MLLT3: variants seen among roughly 807,000 people sequenced by gnomAD.
MLLT3 encodes protein AF-9.
A neutral mutation model predicts 53.2 loss-of-function variants in MLLT3; 4 were observed. The ratio of observed to expected loss-of-function variants is 0.08; its 90% CI spans 0.04 to 0.17. The LOEUF is 0.17. Among genes scored for constraint, MLLT3 ranks in the 10% least tolerant of loss-of-function variants. The pLI is 1.00. For missense variants in MLLT3, 569 were observed against 684.0 expected (o/e 0.83, Z 1.87); for synonymous variants, 283 against 230.6 (o/e 1.23, Z -2.06).
At chr9:20,393,748 T>C (rs915734404) in intron 5 of MLLT3, among the ~76,000 whole-genome samples, 11 of 152,168 alleles carry the variant, frequency 7.2e-5, no homozygotes, top group South Asian at 2.1e-4. Context: ...TTCAATTATG[T>C]AGTAATTAGT....
intron 2 of MLLT3, among the ~76,000 whole-genome samples, chr9:20,594,906 C>G (rs1392809736): frequency 4.6e-5 from 7 of 152,188 alleles, no homozygotes; most frequent in Non-Finnish European, 1.0e-4. Context: ...TCCCATAAAA[C>G]TCATGAATAA....
At chr9:20,575,866 A>G (rs1048128933) in intron 2 of MLLT3, among the ~76,000 whole-genome samples, 1 of 152,220 alleles carries the variant, frequency 6.6e-6, no homozygotes, top group Non-Finnish European at 1.5e-5. Context: ...ACTAAAAGTC[A>G]GCAGCTGCAT....
intron 2 of MLLT3, among the ~76,000 whole-genome samples, chr9:20,460,633 T>C (rs1294629954): frequency 2.6e-5 from 4 of 152,146 alleles, no homozygotes; most frequent in African/African-American, 4.8e-5. Context: ...ACAATAATTA[T>C]TCATCTTTGC....
At chr9:20,493,307 C>A (rs914710031) in intron 2 of MLLT3, among the ~76,000 whole-genome samples, 5 of 151,958 alleles carry the variant, frequency 3.3e-5, no homozygotes, top group Non-Finnish European at 7.4e-5. Flanking sequence ...AAGTTTCCAG[C>A]CTTTTCAACA....
chr9:20,439,562 G>A (rs564128248), intron 4 of MLLT3, among the ~76,000 whole-genome samples: 19 of 152,090 alleles, frequency 1.2e-4, no homozygotes, highest in Non-Finnish European at 7.4e-5. Context: ...AAGCCAGTAA[G>A]TTTAATTTTG....
chr9:20,520,932 A>T (rs1279844205), intron 2 of MLLT3, among the ~76,000 whole-genome samples: 12 of 152,216 alleles, frequency 7.9e-5, no homozygotes, highest in Non-Finnish European at 1.8e-4. Flanking sequence ...GGACATGTAG[A>T]ATAGTGGAAA....
At chr9:20,535,448 A>G (rs1391612880) in intron 2 of MLLT3, among the ~76,000 whole-genome samples, 4 of 152,196 alleles carry the variant, frequency 2.6e-5, no homozygotes, top group Non-Finnish European at 5.9e-5. Flanking sequence ...GGTCTACCCC[A>G]GAAAGCCCTG....
intron 2 of MLLT3, among the ~76,000 whole-genome samples, chr9:20,511,996 A>G (rs1817762993): frequency 6.6e-6 from 1 of 152,196 alleles, no homozygotes. Flanking sequence ...GAGAGGCATA[A>G]AGCCTAGTTG....
In MLLT3 at chr9:20,539,951, G is replaced by A. The variant is rs138775390; in HGVS notation, c.193+80703C>T. 4.8e-3 allele frequency among the ~76,000 whole-genome samples: 738 copies of A among 152,314 alleles called. 4 individuals are homozygous for A. The highest frequency in any genetic ancestry group is 0.016 in the African/African-American group (676 of 41,576). ...ACTTCCAAGATACAATGGAGGTACA[G>A]GCATTGGGTAAATGCTCCCATTCCA... On this transcript the variant is annotated intron_variant, in intron 2 of 10. Coordinates refer to ENST00000380338, the MANE Select transcript of MLLT3 (RefSeq NM_004529.4).
At chr9:20,557,359 G>A (rs1220108436) in intron 2 of MLLT3, among the ~76,000 whole-genome samples, 1 of 152,168 alleles carries the variant, frequency 6.6e-6, no homozygotes, top group African/African-American at 2.4e-5. Flanking sequence ...TAATCTCTCT[G>A]TGGTCCAATT....
chr9:20,580,710 C>A (rs1819769417), intron 2 of MLLT3, among the ~76,000 whole-genome samples: 1 of 152,210 alleles, frequency 6.6e-6, no homozygotes, highest in Non-Finnish European at 1.5e-5. Context: ...CACACTCCTT[C>A]ACAAACATGG....
chr9:20,446,439 G>A (rs912951568), intron 4 of MLLT3, among the ~76,000 whole-genome samples: 8 of 152,156 alleles, frequency 5.3e-5, no homozygotes, highest in African/African-American at 1.7e-4. Flanking sequence ...CATTATCACT[G>A]ACTGTAACCT....
At chr9:20,424,528 T>A (rs1388747711) in intron 4 of MLLT3, among the ~76,000 whole-genome samples, 3 of 152,186 alleles carry the variant, frequency 2.0e-5, no homozygotes, top group Non-Finnish European at 2.9e-5. Flanking sequence ...GGTCACTGTT[T>A]TAAGAAAACT....
At chr9:20,375,350 G>C (rs181818104) in intron 5 of MLLT3, among the ~76,000 whole-genome samples, 11 of 152,326 alleles carry the variant, frequency 7.2e-5, no homozygotes, top group Middle Eastern at 3.4e-3. Context: ...TTAAAGCAGT[G>C]TTCTGAACAT....
intron 2 of MLLT3, among the ~76,000 whole-genome samples, chr9:20,477,250 G>C (rs1278777972): frequency 6.6e-6 from 1 of 152,066 alleles, no homozygotes; most frequent in Non-Finnish European, 1.5e-5. Flanking sequence ...TTTAAGGTTT[G>C]CTCTATTTGT....
At chr9:20,409,917 C>T (rs936896735) in intron 5 of MLLT3, among the ~76,000 whole-genome samples, 3 of 152,006 alleles carry the variant, frequency 2.0e-5, no homozygotes, top group African/African-American at 7.2e-5. Context: ...CAGCAGAAAA[C>T]AAAAATGAAA....
At chr9:20,585,500 C>T (rs1202363110) in intron 2 of MLLT3, among the ~76,000 whole-genome samples, 1 of 152,116 alleles carries the variant, frequency 6.6e-6, no homozygotes, top group African/African-American at 2.4e-5. Flanking sequence ...ACCGTGAAAC[C>T]ATCTTCAAAA....
intron 2 of MLLT3, among the ~76,000 whole-genome samples, chr9:20,462,893 G>A (rs1481283869): frequency 1.3e-5 from 2 of 152,000 alleles, no homozygotes; most frequent in South Asian, 2.1e-4. Context: ...TACAAGGCCT[G>A]GGCAGCAAGC....
chr9:20,455,028 T>C (rs1823924750), intron 3 of MLLT3, among the ~76,000 whole-genome samples: 1 of 151,996 alleles, frequency 6.6e-6, no homozygotes, highest in African/African-American at 2.4e-5. Flanking sequence ...ATTGGAGAAA[T>C]TGGTAGTGAA....
Sources: gnomAD v4.1 joint callset for allele counts (sites outside exome capture counted in the v4.1 genomes callset) on GRCh38, gnomAD v4.1.1 for gene constraint, MANE v1.5 for transcripts, NCBI Gene and HGNC (gene_info 2026-07-23, HGNC 2026-07-21) for gene names.